The following CUL1 variants were observed in gnomAD, a reference collection of about 807,000 sequenced individuals.
CUL1 encodes the protein cullin-1.
In CUL1, 24 loss-of-function variants were observed where a neutral mutation model predicts 118.0. The ratio of observed to expected loss-of-function variants is 0.20; its 90% CI spans 0.15 to 0.29. CUL1 has a LOEUF of 0.29. Ranked by LOEUF, CUL1 falls within the 10% of genes least tolerant of loss-of-function variation. The pLI is 1.00. For synonymous variants in CUL1, 332 were observed against 340.4 expected (o/e 0.98, Z 0.27); for missense variants, 361 against 933.8 (o/e 0.39, Z 7.99).
chr7:148,770,446 A>G (rs1363734549), intron 9 of CUL1, among the ~76,000 whole-genome samples: 1 of 152,240 alleles, frequency 6.6e-6, no homozygotes, highest in Non-Finnish European at 1.5e-5. Context: ...CTGTTTCTAC[A>G]TTGAACTCAT....
At chr7:148,751,528 C>T (rs1401869961) in intron 2 of CUL1, among the ~76,000 whole-genome samples, 2 of 119,110 alleles carry the variant, frequency 1.7e-5, no homozygotes, top group South Asian at 2.7e-4. Flanking sequence ...GAGTGAGACT[C>T]TGTCTCAAAA....
rs145085417 is a variant in CUL1 at position 148,762,937 on chromosome 7, G to A, written c.789+2441G>A. Among the ~76,000 whole-genome samples the A allele has an allele frequency of 2.6e-3, 396 of 152,244 alleles. 1 individual carries two copies. The highest frequency in any genetic ancestry group is 9.3e-3 in the African/African-American group (385 of 41,550). ...CGAGGTGGGCAGATTGCCTGAGGTC[G>A]GGAGTTCGAGACCAGCCTGGCCAGC... is the stretch of plus-strand genomic sequence containing the variant. On this transcript the variant is annotated intron_variant, in intron 7 of 21. Coordinates refer to ENST00000325222, the MANE Select transcript of CUL1 (RefSeq NM_003592.3).
chr7:148,784,552 CCT>C (rs1160365854), intron 11 of CUL1, among the ~76,000 whole-genome samples: 1 of 152,078 alleles, frequency 6.6e-6, no homozygotes, highest in Non-Finnish European at 1.5e-5. Flanking sequence ...ATAGCTTTCT[CCT>C]CTGCGTGTGT....
intron 17 of CUL1, 146 bp downstream of exon 17, chr7:148,792,964 A>C: frequency 1.7e-6 from 1 of 593,210 alleles, no homozygotes; most frequent in Non-Finnish European, 2.9e-6. Flanking sequence ...GCCTTATTCC[A>C]GGATTTTAAT....
intron 2 of CUL1, among the ~76,000 whole-genome samples, chr7:148,737,301 T>C (rs1798979805): frequency 6.6e-6 from 1 of 152,078 alleles, no homozygotes; most frequent in African/African-American, 2.4e-5. Context: ...GAACATTATG[T>C]AACACATTTT....
rs566192436 is a variant in CUL1 at position 148,704,577 on chromosome 7, G to A, written c.-162+5548G>A. Among the ~76,000 whole-genome samples the A allele has an allele frequency of 8.4e-4, 127 of 152,064 alleles. 1 individual carries two copies. The highest frequency in any genetic ancestry group is 3.0e-3 in the African/African-American group (123 of 41,486). ...CATTTGTTTTCGTTTTTTTGCTGTT[G>A]TTAAGGATGATTATTTCAGCATTTA... is the stretch of plus-strand genomic sequence containing the variant. On this transcript the variant is annotated intron_variant, in intron 1 of 21. Transcript: ENST00000325222.
intron 2 of CUL1, among the ~76,000 whole-genome samples, chr7:148,731,556 A>G (rs898526891): frequency 3.9e-5 from 6 of 152,226 alleles, no homozygotes; most frequent in African/African-American, 1.2e-4. Flanking sequence ...ATAAAATTCA[A>G]CCTTTTAAAA....
intron 1 of CUL1, among the ~76,000 whole-genome samples, chr7:148,709,874 C>T (rs953512132): frequency 1.3e-5 from 2 of 151,878 alleles, no homozygotes; most frequent in African/African-American, 4.8e-5. Context: ...CTTGAGCTTA[C>T]GAGTTCGAGA....
Position 148,739,830 on chromosome 7 carries a change from C to T in CUL1, c.140+9568C>T, listed in dbSNP as rs536842576. On this transcript the variant is annotated intron_variant, in intron 2 of 21. Coordinates refer to ENST00000325222, the MANE Select transcript of CUL1 (RefSeq NM_003592.3). ...TCTCAAATATATTTTGTGTTTTCCT[C>T]ATAAGACTTTATGGTTTGGGCATTT... is the stretch of plus-strand genomic sequence containing the variant. Among the ~76,000 whole-genome samples the T allele has an allele frequency of 2.0e-5, 3 of 152,268 alleles. No homozygotes were observed. In the South Asian group the frequency reaches 6.2e-4, roughly 32 times the overall value.
chr7:148,755,652 T>C (rs1799630841), intron 3 of CUL1, among the ~76,000 whole-genome samples: 2 of 152,228 alleles, frequency 1.3e-5, no homozygotes, highest in Non-Finnish European at 2.9e-5. Flanking sequence ...AACAGTATAT[T>C]GTGCTAAGTA....
chr7:148,786,876 GC>G lies in CUL1; in HGVS notation c.1348-110del, dbSNP rs1282556736. 5.6e-6 allele frequency: 8 copies of G among 1,432,842 alleles called. No individual in the cohort carries two copies. The Admixed American group carries it at 1.6e-4, about 29-fold the overall frequency. The allele number at this position is 1,432,842 out of a possible 1,614,324, so 88.8% of individuals were successfully genotyped here. On this transcript the variant is annotated intron_variant, in intron 12 of 21. Transcript: ENST00000325222. The stretch of plus-strand genomic sequence containing the variant: ...ATCATAAACGTTGGCGTACAGACCT[GC>G]CCAAAGCCAAAGGCACATCTTGGCT...
At position 148,761,908 on chromosome 7, in the gene CUL1, G is replaced by A. The variant is rs150165944; in HGVS notation, c.789+1412G>A. 4.5e-3 allele frequency among the ~76,000 whole-genome samples: 690 copies of A among 152,306 alleles called. 3 individuals carry two copies. The highest frequency in any genetic ancestry group is 6.8e-3 in the Middle Eastern group (2 of 294). On this transcript the variant is annotated intron_variant, in intron 7 of 21. Coordinates refer to ENST00000325222, the MANE Select transcript of CUL1 (RefSeq NM_003592.3). ...CTGTTCCACCTCAGATCAAAGGAGC[G>A]TGCAACATAGATCCCTCACGTGTGT...
Position 148,799,270 on chromosome 7 carries a change from C to A in CUL1, c.2137-5C>A. 6.2e-7 allele frequency: 1 copy of A among 1,608,538 alleles called. No individual in the cohort carries two copies. The highest frequency in any genetic ancestry group is 8.5e-7 in the Non-Finnish European group (1 of 1,175,170). On this transcript the variant is annotated splice_region_variant and splice_polypyrimidine_tract_variant and intron_variant, in intron 20 of 21. Transcript: ENST00000325222. ...GCACTTCTTTTTCCTTATCTTGTTG[C>A]ATAGGCGGCCATCGTGAGAATCATG...
intron 1 of CUL1, among the ~76,000 whole-genome samples, chr7:148,700,271 G>A (rs1445405091): frequency 1.3e-5 from 2 of 152,188 alleles, no homozygotes; most frequent in Non-Finnish European, 2.9e-5. Flanking sequence ...ACTTAACGAA[G>A]CGGCAGAAGA....
At chr7:148,698,561 G>C (rs1016782339), upstream of CUL1, 2 of 151,938 alleles carry the variant, frequency 1.3e-5, no homozygotes, top group Non-Finnish European at 2.9e-5. Context: ...CCCCACGCGA[G>C]CGGGGGCCTC....
chr7:148,748,809 T>A (rs1252816374), intron 2 of CUL1, among the ~76,000 whole-genome samples: 1 of 152,220 alleles, frequency 6.6e-6, no homozygotes, highest in African/African-American at 2.4e-5. Flanking sequence ...CATTCTCATG[T>A]TTCCGCAATT....
chr7:148,789,977 C>T lies in CUL1; in HGVS notation c.1674+151C>T. 4 of 752,408 alleles carry T rather than the reference C, an allele frequency of 5.3e-6. 1 individual carries two copies. The South Asian group carries it at 6.5e-5, about 12-fold the overall frequency. The allele number at this position is 752,408 out of a possible 1,614,324, so 46.6% of individuals were successfully genotyped here. A position where few individuals can be genotyped will look rare whatever the true frequency, so the allele number is the denominator to read the frequency against. The stretch of plus-strand genomic sequence containing the variant: ...ATGGGGGCAACACTCAGGGAAGAGC[C>T]CTGTGCAGTGGGGCAGGTCTGGATG... On this transcript the variant is annotated intron_variant, in intron 15 of 21. Transcript: ENST00000325222.
chr7:148,737,570 ATTTT>A (rs374704765), intron 2 of CUL1, among the ~76,000 whole-genome samples: 153 of 111,942 alleles, frequency 1.4e-3, no homozygotes, highest in African/African-American at 4.0e-3. Flanking sequence ...ATATATATAT[ATTTT>A]TATATTTATT....
intron 9 of CUL1, chr7:148,783,271 C>T: frequency 3.2e-6 from 3 of 946,604 alleles, no homozygotes; most frequent in Non-Finnish European, 2.5e-6. Flanking sequence ...TGCGATGAGG[C>T]CCTGGCCCCC....
Sources: gnomAD v4.1 joint callset for allele counts (sites outside exome capture counted in the v4.1 genomes callset) on GRCh38, gnomAD v4.1.1 for gene constraint, MANE v1.5 for transcripts, NCBI Gene and HGNC (gene_info 2026-07-23, HGNC 2026-07-21) for gene names.